PDZRN4: variants seen among roughly 807,000 people sequenced by gnomAD.
The protein encoded by PDZRN4 is PDZ domain containing ring finger 4, also known as PDZ domain-containing RING finger protein 4.
PDZRN4 carries 70 observed loss-of-function variants against 99.0 expected under a neutral mutation model. The ratio of observed to expected loss-of-function variants is 0.71; its 90% CI spans 0.58 to 0.86. The LOEUF (loss-of-function observed/expected upper bound fraction) is 0.86. Ranked by LOEUF, PDZRN4 falls within the 40% of genes least tolerant of loss-of-function variation. The probability of loss-of-function intolerance (pLI) is 0.00; values close to 1 mark genes in which losing one functional copy is unlikely to be tolerated. For missense variants in PDZRN4, 1,474 were observed against 1,331.2 expected, an observed-to-expected ratio of 1.11 and a Z score of -1.67; for synonymous variants, 551 against 501.6, an observed-to-expected ratio of 1.10 and a Z score of -1.32.
rs1950756233 is a variant in PDZRN4 at position 41,194,178 on chromosome 12, A to G, written c.833A>G (p.Lys278Arg). The change falls in exon 3 of 10, where the codon AAA becomes AGA. Residue 278 changes from lysine (K) to arginine (R), a missense_variant. By Grantham distance (26) the Lys-to-Arg change is conservative. Coordinates refer to ENST00000402685, the MANE Select transcript of PDZRN4 (RefSeq NM_001164595.2). ...GCAGATGGCCTGGAGATTCATGACA[A>G]AATCATGGAGGTAAGACAATGATAA... Reference protein sequence around the residue: ...DRADGLEIHDKIMEVNGKDLS... With the variant: ...DRADGLEIHDRIMEVNGKDLS... 6.9e-7 allele frequency: 1 copy of G among 1,444,570 alleles called. No homozygotes were observed. Among genetic ancestry groups the G allele is most frequent in the Admixed American group, 1.7e-5 (1 of 59,648 alleles). 89.5% of individuals were successfully genotyped at this position (1,444,570 alleles called of 1,614,324 possible).
In PDZRN4 at chr12:41,387,507, C is replaced by T. The variant is rs188761942; in HGVS notation, c.844-118949C>T. ...GGCTGAGGCAGGAGTATAGCTTGAA[C>T]GCTGAACCCAGAAGGTGAAGATTGC... On this transcript the variant is annotated intron_variant, in intron 3 of 9. Transcript: ENST00000402685. Among the ~76,000 whole-genome samples, 306 of 152,176 alleles carry T rather than the reference C, an allele frequency of 2.0e-3. No homozygotes were observed. The Middle Eastern group carries it at 0.031, about 15-fold the overall frequency.
chr12:41,480,935 T>C (rs1178771612), intron 3 of PDZRN4, among the ~76,000 whole-genome samples: 1 of 151,858 alleles, frequency 6.6e-6, no homozygotes, highest in Non-Finnish European at 1.5e-5. Flanking sequence ...GTCAGATAAA[T>C]TAAGTATAAA....
At chr12:41,386,319 T>C (rs926004942) in intron 3 of PDZRN4, among the ~76,000 whole-genome samples, 1 of 152,122 alleles carries the variant, frequency 6.6e-6, no homozygotes, top group African/African-American at 2.4e-5. Flanking sequence ...GCTAGGGCAA[T>C]CAGGCAAGAG....
chr12:41,352,191 A>T (rs1049133288), intron 3 of PDZRN4, among the ~76,000 whole-genome samples: 1 of 152,064 alleles, frequency 6.6e-6, no homozygotes, highest in Non-Finnish European at 1.5e-5. Flanking sequence ...CAGTATTAAC[A>T]GATTAAATGG....
intron 3 of PDZRN4, among the ~76,000 whole-genome samples, chr12:41,401,713 T>G (rs1216227492): frequency 6.6e-6 from 1 of 152,096 alleles, no homozygotes; most frequent in East Asian, 1.9e-4. Flanking sequence ...ATTGGCAGAA[T>G]CTTTCCTTTC....
In PDZRN4 at chr12:41,543,677, A is replaced by G. The variant is rs12427028; in HGVS notation, c.1204-8979A>G. ...TATTCGCTTTTTTGAATCCATTCTC[A>G]GGGTCTATATATTGTGGCATGATAA... On this transcript the variant is annotated intron_variant, in intron 5 of 9. Transcript: ENST00000402685. 9.5e-3 allele frequency among the ~76,000 whole-genome samples: 1,447 copies of G among 152,200 alleles called. 7 individuals are homozygous for G. The highest frequency in any genetic ancestry group is 0.013 in the Non-Finnish European group (873 of 68,000).
chr12:41,469,862 A>G (rs978842161), intron 3 of PDZRN4, among the ~76,000 whole-genome samples: 8 of 152,176 alleles, frequency 5.3e-5, no homozygotes, highest in Non-Finnish European at 7.4e-5. Flanking sequence ...CCTGGGAGGC[A>G]GAGCTTGCAG....
chr12:41,390,575 A>G (rs2121118637), intron 3 of PDZRN4, among the ~76,000 whole-genome samples: 1 of 151,922 alleles, frequency 6.6e-6, no homozygotes, highest in Middle Eastern at 3.4e-3. Context: ...AAAAAAAAAA[A>G]AAGTAAAAGC....
chr12:41,391,094 A>G (rs1019364640), intron 3 of PDZRN4, among the ~76,000 whole-genome samples: 2 of 152,114 alleles, frequency 1.3e-5, no homozygotes, highest in Middle Eastern at 3.2e-3. Context: ...TTAAAATTCC[A>G]TACCTGCATG....
rs1306743318 is a variant in PDZRN4, at chr12:41,573,337, A to C, written c.2558A>C (p.Tyr853Ser). Residue 853 changes from tyrosine to serine, a missense_variant, in exon 10 of 10, where the codon TAC becomes TCC. By Grantham distance (144) the Tyr-to-Ser change is moderately radical (BLOSUM62 -2). Transcript: ENST00000402685. ...GCACACGCCCGGCATTATCAAAGCT[A>C]CATGCAGTTAATTCAACAGAAATCT... ...IPAHARHYQS[Y>S]MQLIQQKSAV... is the part of the protein sequence containing the mutation. 11 of 1,613,326 alleles carry C rather than the reference A, an allele frequency of 6.8e-6. No homozygotes were observed. Among genetic ancestry groups the C allele is most frequent in the Non-Finnish European group, 9.3e-6 (11 of 1,180,024 alleles).
chr12:41,567,983 A>T, intron 9 of PDZRN4, 84 bp downstream of exon 9: 2 of 774,486 alleles, frequency 2.6e-6, no homozygotes, highest in Non-Finnish European at 4.2e-6. Flanking sequence ...GATGAAAACA[A>T]AATCAAAGGG....
chr12:41,384,633 C>T (rs533580473), intron 3 of PDZRN4, among the ~76,000 whole-genome samples: 2 of 152,232 alleles, frequency 1.3e-5, no homozygotes, highest in East Asian at 1.9e-4. Flanking sequence ...TAACTGTTGA[C>T]TCTCTCTTAT....
chr12:41,376,112 G>A (rs1490268832), intron 3 of PDZRN4, among the ~76,000 whole-genome samples: 1 of 152,022 alleles, frequency 6.6e-6, no homozygotes, highest in East Asian at 1.9e-4. Flanking sequence ...AATACAATTT[G>A]TGTGTATGTA....
At chr12:41,543,176 T>C (rs1173029998) in intron 5 of PDZRN4, among the ~76,000 whole-genome samples, 1 of 152,234 alleles carries the variant, frequency 6.6e-6, no homozygotes, top group Non-Finnish European at 1.5e-5. Context: ...ATCTTGCCTC[T>C]TGATTCATCC....
chr12:41,397,549 G>A (rs1046992184), intron 3 of PDZRN4, among the ~76,000 whole-genome samples: 5 of 151,994 alleles, frequency 3.3e-5, no homozygotes, highest in East Asian at 3.9e-4. Flanking sequence ...TTAGAGTTTC[G>A]TCTAATAGGA....
rs1950959626 is a variant in PDZRN4 at position 41,222,115 on chromosome 12, G to GGCCCTC, written c.843+27928_843+27933dup. ...ACCAGAGTTCCAGCATATGACCAGAGGCCCTCTGTACTGCCTTTTCCATAT... is the reference window on the plus strand; with the variant it reads ...ACCAGAGTTCCAGCATATGACCAGAGGCCCTCGCCCTCTGTACTGCCTTTTCCATAT... On this transcript the variant is annotated intron_variant, in intron 3 of 9. Coordinates refer to ENST00000402685, the MANE Select transcript of PDZRN4 (RefSeq NM_001164595.2). Among the ~76,000 whole-genome samples, 3 of 152,130 alleles carry GGCCCTC rather than the reference G, an allele frequency of 2.0e-5. 1 individual carries two copies. In the South Asian group the frequency reaches 6.2e-4, roughly 32 times the overall value.
At chr12:41,250,003 G>A (rs1951157801) in intron 3 of PDZRN4, among the ~76,000 whole-genome samples, 1 of 152,162 alleles carries the variant, frequency 6.6e-6, no homozygotes, top group Non-Finnish European at 1.5e-5. Context: ...TCTCAATTAA[G>A]GGGACAATTC....
intron 3 of PDZRN4, among the ~76,000 whole-genome samples, chr12:41,457,722 A>G (rs991296107): frequency 1.3e-5 from 2 of 152,238 alleles, no homozygotes; most frequent in African/African-American, 4.8e-5. Flanking sequence ...GCAAGTTTAA[A>G]ATGTAGCTAT....
Position 41,428,630 on chromosome 12 carries a change from G to T in PDZRN4, c.844-77826G>T, listed in dbSNP as rs576560514. Among the ~76,000 whole-genome samples, 263 of 152,336 alleles carry T rather than the reference G, an allele frequency of 1.7e-3. 2 individuals are homozygous for T. Among genetic ancestry groups the T allele is most frequent in the African/African-American group, 5.9e-3 (245 of 41,592 alleles). ...TGTGTACATGCACGTGTGTGTGCAA[G>T]TGTATATGTATGTGTGTATGATAGC... On this transcript the variant is annotated intron_variant, in intron 3 of 9. Coordinates refer to ENST00000402685, the MANE Select transcript of PDZRN4 (RefSeq NM_001164595.2).
Sources: allele counts gnomAD v4.1 joint callset (sites outside exome capture counted in the v4.1 genomes callset), GRCh38; gene constraint gnomAD v4.1.1; transcripts MANE v1.5; gene names NCBI Gene and HGNC (gene_info 2026-07-23, HGNC 2026-07-21).